The following TBC1D9B variants were observed in gnomAD, a reference collection of about 807,000 sequenced individuals.
The protein encoded by TBC1D9B is TBC1 domain family, member 9B (with GRAM domain).
In TBC1D9B, 87 loss-of-function variants were observed where a neutral mutation model predicts 121.1. The ratio of observed to expected loss-of-function variants is 0.72; its 90% CI spans 0.60 to 0.86. The LOEUF (loss-of-function observed/expected upper bound fraction) is 0.86. TBC1D9B is among the 40% of genes least tolerant of loss of function. The probability of loss-of-function intolerance (pLI) is 0.00; values close to 1 mark genes in which losing one functional copy is unlikely to be tolerated. For synonymous variants in TBC1D9B, 668 were observed against 670.1 expected, an observed-to-expected ratio of 1.00 and a Z score of 0.05; for missense variants, 1,540 against 1,628.6, an observed-to-expected ratio of 0.95 and a Z score of 0.94.
Position 179,873,112 on chromosome 5 carries a change from T to C in TBC1D9B, c.2316+7A>G, listed in dbSNP as rs764762307. On this transcript the variant is annotated splice_region_variant and intron_variant, in intron 13 of 20. Coordinates refer to ENST00000355235, the MANE Select transcript of TBC1D9B (RefSeq NM_015043.4). ...GCCTGGCCAAAATGGCCCCACTGGG[T>C]GCTGACCTCATAGGACACTTTCAGG... 6.2e-7 allele frequency: 1 copy of C among 1,611,120 alleles called. No individual in the cohort carries two copies. The highest frequency in any genetic ancestry group is 8.5e-7 in the Non-Finnish European group (1 of 1,178,478).
chr5:179,887,821 G>GC, intron 7 of TBC1D9B: 1 of 505,328 alleles, frequency 2.0e-6, no homozygotes. Context: ...TGCTCTGAGT[G>GC]CAGCAGCAAT....
rs1420770715 is a variant in TBC1D9B, at chr5:179,907,017, G to A, written c.118+687C>T. Among the ~76,000 whole-genome samples the A allele has an allele frequency of 1.3e-5, 2 of 152,134 alleles. No individual in the cohort carries two copies. Among genetic ancestry groups the A allele is most frequent in the African/African-American group, 4.8e-5 (2 of 41,444 alleles). ...CTCCCCTGGATCCCACAGGCCGCAC[G>A]ACTCCAAGGGTGCCTGTCCAGCTTC... On this transcript the variant is annotated intron_variant, in intron 1 of 20. Transcript: ENST00000355235. The surrounding 1 kb of genome is among the most constrained non-coding windows in gnomAD (Gnocchi z 5.3).
intron 2 of TBC1D9B, among the ~76,000 whole-genome samples, chr5:179,903,063 G>A (rs1270321679): frequency 6.6e-6 from 1 of 152,164 alleles, no homozygotes; most frequent in Non-Finnish European, 1.5e-5. Context: ...TTCCAGCCGT[G>A]AGGTTGACAA....
intron 9 of TBC1D9B, among the ~76,000 whole-genome samples, chr5:179,878,744 C>T (rs1760438702): frequency 3.9e-5 from 6 of 152,204 alleles, no homozygotes; most frequent in Admixed American, 3.9e-4. Context: ...GGTGTGAATG[C>T]TGTCAGAGCC....
rs563274516 is a variant in TBC1D9B, at chr5:179,904,009, G to A, written c.229+693C>T. 2.2e-4 allele frequency among the ~76,000 whole-genome samples: 33 copies of A among 152,244 alleles called. No homozygotes were observed. Among genetic ancestry groups the A allele is most frequent in the Admixed American group, 2.0e-3 (31 of 15,274 alleles). On this transcript the variant is annotated intron_variant, in intron 2 of 20. Coordinates refer to ENST00000355235, the MANE Select transcript of TBC1D9B (RefSeq NM_015043.4). This position sits in a 1 kb window ranked among gnomAD's most constrained non-coding sequence, Gnocchi z 4.2. Reference sequence around the variant, plus strand: ...GTCTCCAAATGACCACAAAATCGCTGGAAGTATTGATTTGGGGATTGCAAA... The same window carrying A: ...GTCTCCAAATGACCACAAAATCGCTAGAAGTATTGATTTGGGGATTGCAAA...
chr5:179,867,561 G>C (rs1458921308), intron 18 of TBC1D9B: 6 of 1,538,542 alleles, frequency 3.9e-6, no homozygotes, highest in South Asian at 2.4e-5. Context: ...CAGGAAGACA[G>C]AGACACAAGA....
Position 179,902,823 on chromosome 5 carries a change from G to A in TBC1D9B, c.229+1879C>T, listed in dbSNP as rs1432492580. Among the ~76,000 whole-genome samples the A allele has an allele frequency of 6.6e-6, 1 of 152,084 alleles. No homozygotes were observed. The highest frequency in any genetic ancestry group is 6.5e-5 in the Admixed American group (1 of 15,280). On this transcript the variant is annotated intron_variant, in intron 2 of 20. Coordinates refer to ENST00000355235, the MANE Select transcript of TBC1D9B (RefSeq NM_015043.4). This position sits in a 1 kb window ranked among gnomAD's most constrained non-coding sequence, Gnocchi z 4.9. ...TCTGGCAAACTCTTGCTGCCCCCAG[G>A]GTCCACTCAGGCTCTGAAGCCAGAG...
chr5:179,889,959 T>C (rs1454255113), intron 6 of TBC1D9B, among the ~76,000 whole-genome samples: 2 of 146,180 alleles, frequency 1.4e-5, no homozygotes, highest in African/African-American at 2.6e-5. Flanking sequence ...TCTTAGGTGG[T>C]GTCCGTGGAG....
chr5:179,884,817 A>C (rs541622247), intron 7 of TBC1D9B, among the ~76,000 whole-genome samples: 1 of 152,224 alleles, frequency 6.6e-6, no homozygotes, highest in East Asian at 1.9e-4. Context: ...AATTCAAGTC[A>C]AAAAGGTAGA....
rs763590924 is a variant in TBC1D9B at position 179,863,660 on chromosome 5, C to T, written c.3490G>A (p.Ala1164Thr). Reference protein sequence around the residue: ...ADDTVLVGGEACSPTARIGGT... With the variant: ...ADDTVLVGGETCSPTARIGGT... ...CCGATGCGCGCTGTGGGGCTGCAGG[C>T]CTCCCCGCCCACCAGCACCGTGTCG... is the stretch of plus-strand genomic sequence containing the variant. The change falls in exon 21 of 21, where the codon GCC (alanine) becomes ACC (threonine). Residue 1164 changes from alanine (A) to threonine (T), a missense_variant. Physicochemically the swap from Ala to Thr is moderately conservative, Grantham distance 58 (BLOSUM62 0). Coordinates refer to ENST00000355235, the MANE Select transcript of TBC1D9B (RefSeq NM_015043.4). This position sits in a 1 kb window ranked among gnomAD's most constrained non-coding sequence, Gnocchi z 4.5. 3.7e-6 allele frequency: 6 copies of T among 1,613,770 alleles called. No homozygotes were observed. The East Asian group carries it at 1.1e-4, about 30-fold the overall frequency.
intron 7 of TBC1D9B, among the ~76,000 whole-genome samples, chr5:179,880,546 TGCCA>T (rs983088354): frequency 6.6e-6 from 1 of 152,202 alleles, no homozygotes; most frequent in African/African-American, 2.4e-5. Context: ...CTGGGGCAGC[TGCCA>T]GGGTGCTGGG....
chr5:179,870,161 G>A, intron 16 of TBC1D9B, 94 bp downstream of exon 16: 1 of 1,557,762 alleles, frequency 6.4e-7, no homozygotes, highest in Non-Finnish European at 8.7e-7. Context: ...CCTACTTGCT[G>A]CAGGGGGAAC....
At chr5:179,907,897 TGCGGA>T, upstream of TBC1D9B, 12 of 857,208 alleles carry the variant, frequency 1.4e-5, no homozygotes, top group Middle Eastern at 5.7e-4. The surrounding 1 kb of genome is among the most constrained non-coding windows in gnomAD (Gnocchi z 5.3). Flanking sequence ...GAGCGGAGCG[TGCGGA>T]GCGGAGCGTG....
chr5:179,901,180 A>G (rs1261954997), intron 2 of TBC1D9B, among the ~76,000 whole-genome samples: 1 of 152,232 alleles, frequency 6.6e-6, no homozygotes, highest in African/African-American at 2.4e-5. Context: ...GTGAGTCACA[A>G]AAGGCCCCCA....
intron 20 of TBC1D9B, among the ~76,000 whole-genome samples, chr5:179,864,912 G>C (rs139747508): frequency 1.3e-5 from 2 of 152,228 alleles, no homozygotes; most frequent in African/African-American, 2.4e-5. Flanking sequence ...AGCGGGTGTG[G>C]AGGATGCATG....
At chr5:179,879,326 C>A in intron 8 of TBC1D9B, 129 bp from the exon 9 acceptor site, 1 of 1,409,812 alleles carries the variant, frequency 7.1e-7, no homozygotes, top group Non-Finnish European at 9.5e-7. Context: ...CCTCGCAATT[C>A]CCGGGAAAGA....
At chr5:179,903,491 C>T (rs953310330) in intron 2 of TBC1D9B, among the ~76,000 whole-genome samples, 7 of 152,228 alleles carry the variant, frequency 4.6e-5, no homozygotes, top group Middle Eastern at 3.4e-3. Flanking sequence ...GTAAGGTGGC[C>T]GCGAACACTG....
At position 179,890,169 on chromosome 5, in the gene TBC1D9B, C is replaced by G. The variant is rs1043795179; in HGVS notation, c.1044+1210G>C. On this transcript the variant is annotated intron_variant, in intron 6 of 20. Transcript: ENST00000355235. This position sits in a 1 kb window ranked among gnomAD's most constrained non-coding sequence, Gnocchi z 5.0. ...CCCACAGCAGAGTGAGCTGCGTGCG[C>G]AAAAGCCTGCAGGCTGGAACGTGGA... Among the ~76,000 whole-genome samples, 1 of 152,230 alleles carries G rather than the reference C, an allele frequency of 6.6e-6. No homozygotes were observed. The highest frequency in any genetic ancestry group is 2.4e-5 in the African/African-American group (1 of 41,452).
intron 4 of TBC1D9B, 136 bp from the exon 5 acceptor site, chr5:179,893,603 G>A (rs950015817): frequency 7.9e-6 from 10 of 1,263,280 alleles, no homozygotes; most frequent in African/African-American, 1.5e-5. Context: ...GGCCTGTCTG[G>A]GCTGTGTCAC....
Sources: allele counts gnomAD v4.1 joint callset (sites outside exome capture counted in the v4.1 genomes callset), GRCh38; gene constraint gnomAD v4.1.1; non-coding constraint Gnocchi (gnomAD v3.1); transcripts MANE v1.5; gene names NCBI Gene and HGNC (gene_info 2026-07-23, HGNC 2026-07-21).